Variants in ELMOD3 observed in about 807,000 individuals in gnomAD.
The protein encoded by ELMOD3 is ELMO domain-containing protein 3.
A neutral mutation model predicts 47.4 loss-of-function variants in ELMOD3; 36 were observed. The ratio of observed to expected loss-of-function variants is 0.76; its 90% confidence interval spans 0.58 to 1.00. The LOEUF is 1.00. Among genes scored for constraint, ELMOD3 ranks in the 50% least tolerant of loss-of-function variants. ELMOD3 has a pLI of 0.00. For synonymous variants in ELMOD3, 149 were observed against 183.5 expected, an observed-to-expected ratio of 0.81 and a Z score of 1.52; for missense variants, 404 against 463.8, an observed-to-expected ratio of 0.87 and a Z score of 1.18.
chr2:85,380,457 T>C (rs954393855), intron 11 of ELMOD3, among the ~76,000 whole-genome samples: 2 of 152,226 alleles, frequency 1.3e-5, no homozygotes, highest in Non-Finnish European at 2.9e-5. Flanking sequence ...TATTCTGATG[T>C]CACAATCTCC....
rs185969567 is a variant in ELMOD3, at chr2:85,391,033, G to T, written c.*71G>T. The T allele has an allele frequency of 7.1e-5, 103 of 1,450,012 alleles. No individual in the cohort carries two copies. The African/African-American group carries it at 1.3e-3, about 19-fold the overall frequency. The allele number at this position is 1,450,012 out of a possible 1,614,324, so 89.8% of individuals were successfully genotyped here. On this transcript the variant is annotated 3_prime_UTR_variant, in exon 14 of 14. Transcript: ENST00000409013. ...CAGGGGGTCAGTGGAGCCATGTCAG[G>T]AGCCTGGCCAGGCCGCACCCCTTGC...
At chr2:85,363,950 TCAC>T (rs1684161930) in intron 6 of ELMOD3, among the ~76,000 whole-genome samples, 1 of 152,046 alleles carries the variant, frequency 6.6e-6, no homozygotes, top group South Asian at 2.1e-4. Flanking sequence ...CCAAACCACA[TCAC>T]CGTCTCTACT....
intron 12 of ELMOD3, 83 bp downstream of exon 12, chr2:85,389,910 A>T: frequency 7.5e-7 from 1 of 1,328,580 alleles, no homozygotes; most frequent in East Asian, 2.3e-5. Flanking sequence ...CCCCAGCTCT[A>T]CTCCACCTGC....
chr2:85,365,162 C>T (rs561352932), intron 6 of ELMOD3, among the ~76,000 whole-genome samples: 34 of 149,810 alleles, frequency 2.3e-4, no homozygotes, highest in Non-Finnish European at 3.1e-4. Flanking sequence ...AGGCTGGGCA[C>T]GGTGGCCCAC....
Position 85,354,813 on chromosome 2 carries a change from G to C in ELMOD3, c.-388G>C, listed in dbSNP as rs950587042. 5 of 291,646 alleles carry C rather than the reference G, an allele frequency of 1.7e-5. No individual in the cohort carries two copies. Among genetic ancestry groups the C allele is most frequent in the African/African-American group, 1.1e-4 (5 of 45,346 alleles). The allele number at this position is 291,646 out of a possible 1,614,324, so 18.1% of individuals were successfully genotyped here. A position where few individuals can be genotyped will look rare whatever the true frequency, so the allele number is the denominator to read the frequency against. ...CCGAGGCGGCGGGACCCCCAAGTTTGGAAAGCTCTTTTAACGGTGAGAACG... is the reference window on the plus strand; with the variant it reads ...CCGAGGCGGCGGGACCCCCAAGTTTCGAAAGCTCTTTTAACGGTGAGAACG... On this transcript the variant is annotated 5_prime_UTR_variant, in exon 1 of 14. Coordinates refer to ENST00000409013, the MANE Select transcript of ELMOD3 (RefSeq NM_001135022.2).
intron 6 of ELMOD3, among the ~76,000 whole-genome samples, chr2:85,364,590 A>T (rs553104831): frequency 2.0e-5 from 3 of 150,978 alleles, no homozygotes; most frequent in Non-Finnish European, 4.4e-5. Context: ...CTCAAAAAAA[A>T]AAAAAAGAGA....
At chr2:85,379,441 G>A (rs748484541) in intron 11 of ELMOD3, among the ~76,000 whole-genome samples, 7 of 152,164 alleles carry the variant, frequency 4.6e-5, no homozygotes, top group Non-Finnish European at 7.4e-5. Flanking sequence ...TCCAGACCTC[G>A]TGATCTGCCC....
intron 4 of ELMOD3, among the ~76,000 whole-genome samples, chr2:85,358,480 G>A (rs916888451): frequency 1.3e-5 from 2 of 152,026 alleles, no homozygotes; most frequent in Non-Finnish European, 2.9e-5. Flanking sequence ...GTGTATTCTG[G>A]AGGAAAACTA....
At chr2:85,390,323 A>G in intron 13 of ELMOD3, 58 bp downstream of exon 13, 1 of 1,614,042 alleles carries the variant, frequency 6.2e-7, no homozygotes, top group Non-Finnish European at 8.5e-7. Flanking sequence ...AGGTCCAGAG[A>G]GCCCAAGGTG....
intron 6 of ELMOD3, chr2:85,367,784 A>G (rs1382888799): frequency 1.3e-5 from 2 of 152,264 alleles, no homozygotes; most frequent in Admixed American, 6.5e-5. Context: ...TGGAACTGTC[A>G]TGAGTTGGGG....
chr2:85,383,073 C>CAAA (rs565248845), intron 11 of ELMOD3, among the ~76,000 whole-genome samples: 6,743 of 137,008 alleles, frequency 0.049, 216 homozygotes, highest in Non-Finnish European at 0.069. Flanking sequence ...AGTAAAACTC[C>CAAA]AAAAAAAAAA....
chr2:85,382,041 C>A (rs1685579986), intron 11 of ELMOD3, among the ~76,000 whole-genome samples: 1 of 141,816 alleles, frequency 7.1e-6, no homozygotes, highest in African/African-American at 2.7e-5. Flanking sequence ...GGCGTGAACC[C>A]AGGAGGTGGA....
At chr2:85,383,126 G>GT (rs913139023) in intron 11 of ELMOD3, among the ~76,000 whole-genome samples, 14 of 144,896 alleles carry the variant, frequency 9.7e-5, no homozygotes, top group African/African-American at 3.5e-4. Context: ...GATCTTTTTT[G>GT]TTTTTTTGTT....
chr2:85,378,742 T>G (rs966498946), intron 11 of ELMOD3, among the ~76,000 whole-genome samples: 1 of 152,228 alleles, frequency 6.6e-6, no homozygotes, highest in African/African-American at 2.4e-5. Flanking sequence ...CCAAGATATT[T>G]TCCTTTCACA....
intron 11 of ELMOD3, among the ~76,000 whole-genome samples, chr2:85,381,690 A>T (rs2104684272): frequency 6.6e-6 from 1 of 152,156 alleles, no homozygotes; most frequent in Admixed American, 6.5e-5. Flanking sequence ...TCATGCACCC[A>T]CCTCTTCCGC....
At chr2:85,374,461 C>A (rs759665800) in intron 10 of ELMOD3, among the ~76,000 whole-genome samples, 42 of 152,266 alleles carry the variant, frequency 2.8e-4, no homozygotes, top group Admixed American at 1.0e-3. Flanking sequence ...CCTGCCTCAG[C>A]CTTCTAAGTA....
At chr2:85,387,334 G>T in intron 11 of ELMOD3, 1 of 686,000 alleles carries the variant, frequency 1.5e-6, no homozygotes, top group Non-Finnish European at 1.8e-6. Context: ...TCTGTGAGGT[G>T]GGTAGTGGGA....
chr2:85,361,932 A>G (rs959050213), intron 4 of ELMOD3, among the ~76,000 whole-genome samples: 4 of 148,964 alleles, frequency 2.7e-5, no homozygotes, highest in African/African-American at 7.3e-5. Context: ...CTCCGTCTCA[A>G]AAAAAAAAAA....
Position 85,371,126 on chromosome 2 carries a change from C to T in ELMOD3, c.401C>T (p.Ala134Val). 1 of 1,614,254 alleles carries T rather than the reference C, an allele frequency of 6.2e-7. No homozygotes were observed. Among genetic ancestry groups the T allele is most frequent in the Non-Finnish European group, 8.5e-7 (1 of 1,180,036 alleles). ...ACTATTCGAAGGACTGGGCTCGCCG[C>T]CCTCCGACACTACCTCTTCGGGCCT... ...QPTIRRTGLA[A>V]LRHYLFGPPK... The change falls in exon 9 of 14, where the codon GCC becomes GTC. Residue 134 changes from alanine to valine, a missense_variant. Physicochemically the swap from Ala to Val is moderately conservative, Grantham distance 64 (BLOSUM62 0). Transcript: ENST00000409013.
Sources: gnomAD v4.1 joint callset for allele counts (sites outside exome capture counted in the v4.1 genomes callset) on GRCh38, gnomAD v4.1.1 for gene constraint, MANE v1.5 for transcripts, NCBI Gene and HGNC (gene_info 2026-07-23, HGNC 2026-07-21) for gene names.